ST6GAL1: variants seen among roughly 807,000 people sequenced by gnomAD.
The protein encoded by ST6GAL1 is beta-galactoside alpha-2,6-sialyltransferase 1.
ST6GAL1 carries 20 observed loss-of-function variants against 38.0 expected under a neutral mutation model. That is an observed-to-expected ratio of 0.53 (90% CI 0.37 to 0.77). ST6GAL1 has a LOEUF of 0.77. ST6GAL1 is among the 30% of genes least tolerant of loss of function. The pLI, the probability that ST6GAL1 is intolerant of heterozygous loss-of-function variation, is 0.00. For synonymous variants in ST6GAL1, 196 were observed against 188.2 expected (o/e 1.04, Z -0.34); for missense variants, 432 against 496.4 (o/e 0.87, Z 1.23).
chr3:187,050,560 G>GAGAGAGAGAC (rs371144529), intron 4 of ST6GAL1, among the ~76,000 whole-genome samples: 24,572 of 149,498 alleles, frequency 0.16, 2,183 homozygotes, highest in Non-Finnish European at 0.2. Context: ...GAGAGAGAGA[G>GAGAGAGAGAC]GGAGGGAGGG....
intron 1 of ST6GAL1, among the ~76,000 whole-genome samples, chr3:186,938,559 C>G (rs567486185): frequency 2.0e-5 from 3 of 152,198 alleles, no homozygotes; most frequent in African/African-American, 7.2e-5. Flanking sequence ...TTTTTTCTTA[C>G]CATGACAGCA....
At chr3:187,063,431 T>C (rs1205264484) in intron 5 of ST6GAL1, among the ~76,000 whole-genome samples, 3 of 152,206 alleles carry the variant, frequency 2.0e-5, no homozygotes, top group Non-Finnish European at 4.4e-5. Context: ...ATAATTGTCA[T>C]TGAGGTGAGT....
chr3:187,017,328 T>C (rs758662212), intron 2 of ST6GAL1, among the ~76,000 whole-genome samples: 1 of 152,210 alleles, frequency 6.6e-6, no homozygotes, highest in Non-Finnish European at 1.5e-5. Context: ...TTGGTCTGGA[T>C]CCATTACATC....
chr3:187,020,639 C>G (rs1377368724), intron 2 of ST6GAL1, among the ~76,000 whole-genome samples: 1 of 152,186 alleles, frequency 6.6e-6, no homozygotes, highest in East Asian at 1.9e-4. Context: ...TACTTGCAAC[C>G]CTCTTTTCTC....
intron 2 of ST6GAL1, among the ~76,000 whole-genome samples, chr3:186,995,664 C>T (rs1008116560): frequency 1.3e-5 from 2 of 151,414 alleles, no homozygotes; most frequent in South Asian, 4.2e-4. Flanking sequence ...GCCAACATGG[C>T]GAGACCCCAT....
Position 187,043,170 on chromosome 3 carries a change from C to T in ST6GAL1, c.467C>T (p.Thr156Ile). The change falls in exon 4 of 8, where the codon ACA becomes ATA. Residue 156 changes from threonine (T) to isoleucine (I), a missense_variant. By Grantham distance (89) the Thr-to-Ile change is moderately conservative (BLOSUM62 -1). Transcript: ENST00000169298. ...GTGAATGTATCCATGGTAGAGGTCACAGATTTTCCCTTCAATACCTCTGAA... is the reference window on the plus strand; with the variant it reads ...GTGAATGTATCCATGGTAGAGGTCATAGATTTTCCCTTCAATACCTCTGAA... Reference protein sequence around the residue: ...DHVNVSMVEVTDFPFNTSEWE... With the variant: ...DHVNVSMVEVIDFPFNTSEWE... 6.2e-7 allele frequency: 1 copy of T among 1,614,240 alleles called. No individual in the cohort carries two copies. The highest frequency in any genetic ancestry group is 1.1e-5 in the South Asian group (1 of 91,084).
chr3:187,010,467 T>G (rs4686828), intron 2 of ST6GAL1, among the ~76,000 whole-genome samples: 113,870 of 152,048 alleles, frequency 0.75, 42,894 homozygotes, highest in South Asian at 0.84. Context: ...AGAAAAATGA[T>G]TTATTTATTT....
intron 1 of ST6GAL1, among the ~76,000 whole-genome samples, chr3:186,948,344 C>G (rs1714450737): frequency 6.6e-6 from 1 of 152,174 alleles, no homozygotes. Flanking sequence ...CCGATGAGGA[C>G]AAAGCAAGGC....
chr3:186,961,759 C>A (rs900189971), intron 1 of ST6GAL1, among the ~76,000 whole-genome samples: 1 of 152,162 alleles, frequency 6.6e-6, no homozygotes, highest in Non-Finnish European at 1.5e-5. Context: ...AATTCTCCAT[C>A]TCTCACTGAA....
chr3:186,955,960 G>A (rs968175724), intron 1 of ST6GAL1, among the ~76,000 whole-genome samples: 2 of 152,126 alleles, frequency 1.3e-5, no homozygotes, highest in East Asian at 3.9e-4. Context: ...TTTTGCTGGT[G>A]TATAGGAATG....
chr3:187,021,613 G>A (rs1036398630), intron 2 of ST6GAL1, among the ~76,000 whole-genome samples: 3 of 151,842 alleles, frequency 2.0e-5, no homozygotes, highest in Non-Finnish European at 2.9e-5. Flanking sequence ...GATGGTGGGC[G>A]CCTGTAATCC....
chr3:187,020,487 G>A (rs530375229), intron 2 of ST6GAL1, among the ~76,000 whole-genome samples: 138 of 152,306 alleles, frequency 9.1e-4, no homozygotes, highest in Non-Finnish European at 1.6e-3. Context: ...GTTCATTACA[G>A]TTGATTCTTA....
chr3:186,958,674 G>C (rs140340614), intron 1 of ST6GAL1, among the ~76,000 whole-genome samples: 1 of 152,088 alleles, frequency 6.6e-6, no homozygotes, highest in Non-Finnish European at 1.5e-5. Flanking sequence ...TCAATGTGCC[G>C]GGTGCTGTGG....
chr3:187,042,821 T>C lies in ST6GAL1; in HGVS notation c.118T>C (p.Leu40=). 1 of 1,614,176 alleles carries C rather than the reference T, an allele frequency of 6.2e-7. No individual in the cohort carries two copies. The highest frequency in any genetic ancestry group is 1.1e-5 in the South Asian group (1 of 91,082). ...KKGSYYDSFK[L]QTKEFQVLKS... is the part of the protein sequence containing the mutation. ...AGGGAGTTACTATGATTCCTTTAAA[T>C]TGCAAACCAAGGAATTCCAGGTGTT... The change falls in exon 4 of 8, where the codon TTG becomes CTG. Residue 40 remains leucine, a synonymous_variant. Coordinates refer to ENST00000169298, the MANE Select transcript of ST6GAL1 (RefSeq NM_173216.2).
chr3:186,994,013 G>T (rs902335357), intron 2 of ST6GAL1, among the ~76,000 whole-genome samples: 1 of 152,136 alleles, frequency 6.6e-6, no homozygotes, highest in Admixed American at 6.6e-5. Context: ...GAAGCACTCG[G>T]CAGGCTCCTT....
At position 187,058,030 on chromosome 3, in the gene ST6GAL1, G is replaced by A. The variant is rs550041044; in HGVS notation, c.705+6684G>A. Reference sequence around the variant, plus strand: ...GACGCCCCTCCCCCGCCAGGCTGCTGTCTTGCAGGTCGATCTCAGACTGCT... The same window carrying A: ...GACGCCCCTCCCCCGCCAGGCTGCTATCTTGCAGGTCGATCTCAGACTGCT... On this transcript the variant is annotated intron_variant, in intron 5 of 7. Transcript: ENST00000169298. 1.0e-3 allele frequency among the ~76,000 whole-genome samples: 157 copies of A among 152,350 alleles called. 1 individual carries two copies. Among genetic ancestry groups the A allele is most frequent in the Non-Finnish European group, 1.9e-3 (126 of 68,032 alleles).
intron 2 of ST6GAL1, among the ~76,000 whole-genome samples, chr3:187,031,656 G>C (rs4012164): frequency 6.6e-6 from 1 of 151,984 alleles, no homozygotes; most frequent in East Asian, 1.9e-4. Flanking sequence ...GCTGGTCACG[G>C]GCTTCTGACT....
intron 2 of ST6GAL1, among the ~76,000 whole-genome samples, chr3:186,976,096 C>A (rs887802710): frequency 9.2e-5 from 14 of 152,216 alleles, no homozygotes; most frequent in Admixed American, 9.2e-4. Context: ...GACCACAGAT[C>A]AAACTCACCT....
rs1302448225 is a variant in ST6GAL1 at position 187,051,312 on chromosome 3, G to A, written c.671G>A (p.Gly224Asp). The stretch of plus-strand genomic sequence containing the variant: ...ACAGCCAACTTCCAACAAGATGTGG[G>A]CACAAAAACTACCATTCGCCTGATG... ...APTANFQQDV[G>D]TKTTIRLMNS... Residue 224 changes from glycine (G) to aspartate (D), a missense_variant, in exon 5 of 8, where the codon GGC (glycine) becomes GAC (aspartate). Gly to Asp is a moderately conservative substitution (Grantham distance 94, BLOSUM62 -1). Coordinates refer to ENST00000169298, the MANE Select transcript of ST6GAL1 (RefSeq NM_173216.2). The A allele has an allele frequency of 3.7e-6, 6 of 1,614,030 alleles. No individual in the cohort carries two copies. In the Admixed American group the frequency reaches 6.7e-5, roughly 18 times the overall value.
Sources: gnomAD v4.1 joint callset for allele counts (sites outside exome capture counted in the v4.1 genomes callset) on GRCh38, gnomAD v4.1.1 for gene constraint, MANE v1.5 for transcripts, NCBI Gene and HGNC (gene_info 2026-07-23, HGNC 2026-07-21) for gene names.